QRSL1: variants seen among roughly 807,000 people sequenced by gnomAD.
QRSL1 encodes glutamyl-tRNA(Gln) amidotransferase subunit A, mitochondrial.
QRSL1 carries 54 observed loss-of-function variants against 61.6 expected under a neutral mutation model. The observed-to-expected ratio is 0.88, with a 90% CI of 0.70 to 1.10. The LOEUF is 1.10. Among genes scored for constraint, QRSL1 ranks in the 50% least tolerant of loss-of-function variants. QRSL1 has a pLI of 0.00. For synonymous variants in QRSL1, 228 were observed against 225.7 expected (o/e 1.01, Z -0.09); for missense variants, 505 against 622.6 (o/e 0.81, Z 2.01).
In QRSL1 at chr6:106,661,686, C is replaced by CTTTTTTTTT. The variant is rs572306794; in HGVS notation, c.1161-1267_1161-1259dup. On this transcript the variant is annotated intron_variant, in intron 9 of 10. Coordinates refer to ENST00000369046, the MANE Select transcript of QRSL1 (RefSeq NM_018292.5). ...CTGTTGTGGAAAAGAATGGTTAGTT[C>CTTTTTTTTT]TTTTTTTTTTTTTTTTTTTTTTTTT... Among the ~76,000 whole-genome samples the CTTTTTTTTT allele has an allele frequency of 9.1e-5, 5 of 55,070 alleles. 1 individual carries two copies. Among genetic ancestry groups the CTTTTTTTTT allele is most frequent in the Admixed American group, 3.3e-4 (1 of 2,996 alleles). The allele number at this position is 55,070 out of a possible 152,430, so 36.1% of individuals were successfully genotyped here.
At chr6:106,645,994 C>G (rs977748458) in intron 4 of QRSL1, among the ~76,000 whole-genome samples, 1 of 152,150 alleles carries the variant, frequency 6.6e-6, no homozygotes, top group African/African-American at 2.4e-5. Context: ...GTGGTGAGAG[C>G]AGATTTCCTT....
chr6:106,648,001 G>A (rs1006940698), intron 4 of QRSL1, among the ~76,000 whole-genome samples: 1 of 149,564 alleles, frequency 6.7e-6, no homozygotes, highest in African/African-American at 2.5e-5. Flanking sequence ...CAGTAGATTC[G>A]ATAAAAGTAT....
chr6:106,630,161 C>G (rs1176257452), intron 1 of QRSL1, among the ~76,000 whole-genome samples: 2 of 152,200 alleles, frequency 1.3e-5, no homozygotes, highest in South Asian at 2.1e-4. Context: ...TTACCTACCA[C>G]TAAGATACCA....
At chr6:106,642,166 C>G (rs993704511) in intron 3 of QRSL1, among the ~76,000 whole-genome samples, 2 of 152,178 alleles carry the variant, frequency 1.3e-5, no homozygotes, top group East Asian at 3.8e-4. Context: ...AAGTGATTCT[C>G]CTGTCTCACC....
chr6:106,662,781 G>C (rs1777376203), intron 9 of QRSL1, among the ~76,000 whole-genome samples, 199 bp from the exon 10 acceptor site: 1 of 152,112 alleles, frequency 6.6e-6, no homozygotes, highest in Non-Finnish European at 1.5e-5. Flanking sequence ...GTCTATGATA[G>C]AAAAACACTC....
At chr6:106,648,813 A>G (rs1327672071) in intron 4 of QRSL1, among the ~76,000 whole-genome samples, 3 of 152,134 alleles carry the variant, frequency 2.0e-5, no homozygotes, top group South Asian at 2.1e-4. Flanking sequence ...AGCTTTGTCT[A>G]TTTTCTACCA....
chr6:106,654,273 C>A (rs1777232187), intron 7 of QRSL1, among the ~76,000 whole-genome samples: 1 of 152,078 alleles, frequency 6.6e-6, no homozygotes, highest in Non-Finnish European at 1.5e-5. Flanking sequence ...TGGCGTGAAC[C>A]CAGGAGGCGG....
rs1424119318 is a variant in QRSL1, at chr6:106,648,937, T to C, written c.381-88T>C. 3.7e-6 allele frequency: 5 copies of C among 1,359,050 alleles called. No individual in the cohort carries two copies. The African/African-American group carries it at 7.3e-5, about 20-fold the overall frequency. The allele number at this position is 1,359,050 out of a possible 1,614,324, so 84.2% of individuals were successfully genotyped here. A position where few individuals can be genotyped will look rare whatever the true frequency, so the allele number is the denominator to read the frequency against. ...AGTGGGTTCTTAAATGCTCAATGAG[T>C]GTCAGAAGCAAATAATATACTCAGA... is the stretch of plus-strand genomic sequence containing the variant. On this transcript the variant is annotated intron_variant, in intron 4 of 10. Transcript: ENST00000369046.
intron 1 of QRSL1, among the ~76,000 whole-genome samples, chr6:106,636,437 T>C (rs931648332): frequency 8.6e-5 from 13 of 151,982 alleles, no homozygotes; most frequent in East Asian, 1.9e-4. Context: ...TCTCCTGCCT[T>C]AGCCTCCCAA....
chr6:106,634,776 A>G (rs763212873), intron 1 of QRSL1, among the ~76,000 whole-genome samples: 20 of 152,024 alleles, frequency 1.3e-4, no homozygotes, highest in Non-Finnish European at 2.6e-4. Context: ...AAAAAAAAAA[A>G]GCAAGAAAGC....
chr6:106,658,399 T>C (rs954307401), intron 9 of QRSL1, among the ~76,000 whole-genome samples: 7 of 152,192 alleles, frequency 4.6e-5, no homozygotes, highest in African/African-American at 1.7e-4. Context: ...GGTTTAAAAA[T>C]GTAGGTTAAG....
intron 7 of QRSL1, 154 bp downstream of exon 7, chr6:106,652,736 T>C: frequency 6.5e-7 from 1 of 1,533,966 alleles, no homozygotes; most frequent in Non-Finnish European, 8.8e-7. Context: ...TTAGCTCAAT[T>C]TCCCCATCTG....
At chr6:106,648,196 T>C (rs2114708626) in intron 4 of QRSL1, among the ~76,000 whole-genome samples, 1 of 151,696 alleles carries the variant, frequency 6.6e-6, no homozygotes, top group East Asian at 2.0e-4. Flanking sequence ...CTCGGGAGGC[T>C]GAGGCAGGAG....
chr6:106,655,674 G>A lies in QRSL1; in HGVS notation c.1102G>A (p.Gly368Arg). 1 of 1,613,670 alleles carries A rather than the reference G, an allele frequency of 6.2e-7. No homozygotes were observed. Residue 368 changes from glycine (G) to arginine (R), a missense_variant, in exon 9 of 11, where the codon GGG becomes AGG. By Grantham distance (125) the Gly-to-Arg change is moderately radical. Transcript: ENST00000369046. ...EAMYAATRRE[G>R]FNDVVRGRIL... ...CATGTATGCTGCAACCAGACGAGAA[G>A]GGTTTAATGATGTGGTGAGAGGAAG...
chr6:106,655,741 A>T lies in QRSL1; in HGVS notation c.1160+9A>T, dbSNP rs772076634. ...TTTTTCTTATTAAAAGAGTAAGACA[A>T]CTCATTTAGGAATTTTCTTCATTCT... On this transcript the variant is annotated intron_variant, in intron 9 of 10. Transcript: ENST00000369046. 2.0e-6 allele frequency: 3 copies of T among 1,531,366 alleles called. No homozygotes were observed. The highest frequency in any genetic ancestry group is 1.8e-6 in the Non-Finnish European group (2 of 1,106,482). The allele number at this position is 1,531,366 out of a possible 1,614,324, so 94.9% of individuals were successfully genotyped here.
chr6:106,636,424 G>T (rs552304670), intron 1 of QRSL1, among the ~76,000 whole-genome samples: 1 of 151,302 alleles, frequency 6.6e-6, no homozygotes, highest in Non-Finnish European at 1.5e-5. Flanking sequence ...GGGTTCAAGC[G>T]ATTCTCCTGC....
At chr6:106,648,977 C>T (rs565860606) in intron 4 of QRSL1, 48 bp from the exon 5 acceptor site, 2 of 1,541,080 alleles carry the variant, frequency 1.3e-6, no homozygotes, top group Non-Finnish European at 1.8e-6. Context: ...GAAATTTTCA[C>T]ATAAAATGAA....
In QRSL1 at chr6:106,649,078, C is replaced by A; in HGVS notation, c.434C>A (p.Ser145Ter). Reference sequence around the variant, plus strand: ...CCAGTTAAAAACCCCTGGAGTTATTCAAAACAATATAGAGAAAAGAGGAAG... The same window carrying A: ...CCAGTTAAAAACCCCTGGAGTTATTAAAAACAATATAGAGAAAAGAGGAAG... ...FGPVKNPWSYSKQYREKRKQN... is the reference protein window; with the variant it reads ...FGPVKNPWSY The change falls in exon 5 of 11, where the codon TCA becomes TAA. Residue 145 changes from serine (S) to a stop codon, truncating the protein, a stop_gained. Coordinates refer to ENST00000369046, the MANE Select transcript of QRSL1 (RefSeq NM_018292.5). LOFTEE classifies it high-confidence loss of function. 7 of 1,613,992 alleles carry A rather than the reference C, an allele frequency of 4.3e-6. No individual in the cohort carries two copies. The highest frequency in any genetic ancestry group is 5.9e-6 in the Non-Finnish European group (7 of 1,179,984).
chr6:106,654,210 C>T (rs781503628), intron 7 of QRSL1, among the ~76,000 whole-genome samples: 1 of 152,040 alleles, frequency 6.6e-6, no homozygotes, highest in Non-Finnish European at 1.5e-5. Context: ...ATTAGCCGGG[C>T]GTGGCTGTGG....
Sources: gnomAD v4.1 joint callset for allele counts (sites outside exome capture counted in the v4.1 genomes callset) on GRCh38, gnomAD v4.1.1 for gene constraint, MANE v1.5 for transcripts, NCBI Gene and HGNC (gene_info 2026-07-23, HGNC 2026-07-21) for gene names.